The following KCNAB1 variants were observed in gnomAD, a reference collection of about 807,000 sequenced individuals.
KCNAB1 encodes the protein potassium voltage-gated channel subfamily A regulatory beta subunit 1, also known as voltage-gated potassium channel subunit beta-1.
Under a neutral mutation model 64.6 loss-of-function variants are expected in KCNAB1, and 35 were observed. The observed-to-expected ratio is 0.54, with a 90% CI of 0.41 to 0.72. The LOEUF (loss-of-function observed/expected upper bound fraction) is 0.72, where lower values mean the gene tolerates loss of function less well. KCNAB1 is among the 30% of genes least tolerant of loss of function. KCNAB1 has a pLI of 0.00. For synonymous variants in KCNAB1, 177 were observed against 183.8 expected, an observed-to-expected ratio of 0.96 and a Z score of 0.30; for missense variants, 401 against 512.9, an observed-to-expected ratio of 0.78 and a Z score of 2.11.
At chr3:156,128,307 G>A (rs767436153) in intron 1 of KCNAB1, among the ~76,000 whole-genome samples, 15 of 149,522 alleles carry the variant, frequency 1.0e-4, no homozygotes, top group Non-Finnish European at 1.9e-4. Flanking sequence ...GGGGCACACT[G>A]TGTTGTTTAT....
chr3:156,143,569 G>GTTTTATGGTTTTTTTTT (rs1714842702), intron 1 of KCNAB1: 1 of 281,598 alleles, frequency 3.6e-6, no homozygotes, highest in African/African-American at 2.9e-5. Context: ...TTGCATTCTT[G>GTTTTATGGTTTTTTTTT]TTTTTTTTTT....
At chr3:156,191,664 A>T (rs920122494) in intron 1 of KCNAB1, among the ~76,000 whole-genome samples, 16 of 152,154 alleles carry the variant, frequency 1.1e-4, no homozygotes, top group African/African-American at 3.9e-4. Context: ...ACCACATAGT[A>T]TTTTTTTAAA....
At chr3:156,343,871 G>A (rs1724303423) in intron 1 of KCNAB1, among the ~76,000 whole-genome samples, 1 of 152,218 alleles carries the variant, frequency 6.6e-6, no homozygotes, top group Admixed American at 6.5e-5. Flanking sequence ...GTGTATTGCT[G>A]TTCCTTACTA....
chr3:156,123,346 C>T (rs1421758790), intron 1 of KCNAB1, among the ~76,000 whole-genome samples: 7 of 152,144 alleles, frequency 4.6e-5, no homozygotes, highest in African/African-American at 1.7e-4. Context: ...TGTTTCCTTT[C>T]TTGGAAGATG....
chr3:156,360,249 A>G (rs183729278), intron 1 of KCNAB1, among the ~76,000 whole-genome samples: 1 of 152,330 alleles, frequency 6.6e-6, no homozygotes, highest in East Asian at 1.9e-4. Context: ...GGCTCTAGAT[A>G]CGTACATCCA....
chr3:156,244,232 T>G (rs537415971), intron 1 of KCNAB1, among the ~76,000 whole-genome samples: 1 of 152,350 alleles, frequency 6.6e-6, no homozygotes, highest in East Asian at 1.9e-4. Context: ...TTCCAGATTC[T>G]AAGGTCACGT....
At chr3:156,229,191 G>T (rs1213475162) in intron 1 of KCNAB1, among the ~76,000 whole-genome samples, 3 of 152,206 alleles carry the variant, frequency 2.0e-5, no homozygotes. Flanking sequence ...TGAGTAATTT[G>T]TAAAGAAAAG....
At chr3:156,413,778 T>G (rs1714856797) in intron 1 of KCNAB1, among the ~76,000 whole-genome samples, 2 of 152,214 alleles carry the variant, frequency 1.3e-5, no homozygotes, top group South Asian at 4.1e-4. Flanking sequence ...ACAGCTGTTA[T>G]GCACCCAGCA....
rs114010953 is a variant in KCNAB1 at position 156,205,025 on chromosome 3, T to C, written c.275+84139T>C. ...ATGTACAACACAAAAATTATATATC[T>C]CTTAAATACCTTGGCAATTGATAAT... On this transcript the variant is annotated intron_variant, in intron 1 of 13. Coordinates refer to ENST00000490337, the MANE Select transcript of KCNAB1 (RefSeq NM_172160.3). 1.0e-2 allele frequency among the ~76,000 whole-genome samples: 1,521 copies of C among 152,300 alleles called. 25 individuals are homozygous for C. Among genetic ancestry groups the C allele is most frequent in the African/African-American group, 0.035 (1,454 of 41,546 alleles).
At chr3:156,143,300 C>A in intron 1 of KCNAB1, 1 of 1,613,528 alleles carries the variant, frequency 6.2e-7, no homozygotes, top group South Asian at 1.1e-5. Flanking sequence ...CAGCCTCAGG[C>A]GGCCTGCAAA....
intron 1 of KCNAB1, among the ~76,000 whole-genome samples, chr3:156,357,875 G>A (rs1049702112): frequency 6.7e-6 from 1 of 148,610 alleles, no homozygotes; most frequent in Admixed American, 6.7e-5. Context: ...CTGGTATTTT[G>A]TACCTAAGGA....
intron 3 of KCNAB1, 75 bp from the exon 4 acceptor site, chr3:156,457,378 G>A (rs2293194): frequency 0.49 from 777,830 of 1,600,636 alleles, 191,412 homozygotes; most frequent in South Asian, 0.56. Flanking sequence ...CCTAAAGACC[G>A]GTAGAGGACT....
chr3:156,439,201 AAG>A (rs1716814052), intron 2 of KCNAB1, among the ~76,000 whole-genome samples: 1 of 151,126 alleles, frequency 6.6e-6, no homozygotes, highest in East Asian at 2.0e-4. Flanking sequence ...TCAAAAAAAA[AAG>A]TGTTAATTTG....
intron 2 of KCNAB1, among the ~76,000 whole-genome samples, chr3:156,422,567 GA>G (rs1299101467): frequency 6.6e-6 from 1 of 152,174 alleles, no homozygotes; most frequent in African/African-American, 2.4e-5. Flanking sequence ...AAATGAGAGA[GA>G]AATTTAGGGA....
At chr3:156,469,298 C>T (rs56276531) in intron 7 of KCNAB1, among the ~76,000 whole-genome samples, 7,718 of 143,618 alleles carry the variant, frequency 0.054, 287 homozygotes, top group Non-Finnish European at 0.083. Flanking sequence ...ACTCTGCCAC[C>T]CAGGCTGGAG....
intron 1 of KCNAB1, among the ~76,000 whole-genome samples, chr3:156,309,150 C>T (rs1721711823): frequency 6.6e-6 from 1 of 152,086 alleles, no homozygotes; most frequent in Non-Finnish European, 1.5e-5. Context: ...CTCTCTGGCT[C>T]CATACTGAGT....
At chr3:156,362,332 A>T (rs751922885) in intron 1 of KCNAB1, among the ~76,000 whole-genome samples, 18 of 152,384 alleles carry the variant, frequency 1.2e-4, no homozygotes, top group Admixed American at 2.0e-4. Context: ...CAACAGTTAA[A>T]TGCAAGAGAA....
intron 1 of KCNAB1, among the ~76,000 whole-genome samples, chr3:156,166,381 A>G (rs1268038598): frequency 6.6e-6 from 1 of 152,238 alleles, no homozygotes. Flanking sequence ...GATGCATTTG[A>G]AAACAAACAG....
chr3:156,143,901 CTTTATTTATTTATTTA>C (rs145502397), intron 1 of KCNAB1, among the ~76,000 whole-genome samples: 30 of 146,816 alleles, frequency 2.0e-4, no homozygotes, highest in Non-Finnish European at 2.7e-4. Flanking sequence ...AATGACAGCA[CTTTATTTATTTATTTA>C]TTTATTTATT....
Sources: allele counts gnomAD v4.1 joint callset (sites outside exome capture counted in the v4.1 genomes callset), GRCh38; gene constraint gnomAD v4.1.1; transcripts MANE v1.5; gene names NCBI Gene and HGNC (gene_info 2026-07-23, HGNC 2026-07-21).